NID2: variants seen among roughly 807,000 people sequenced by gnomAD.
NID2 encodes nidogen-2.
A neutral mutation model predicts 145.4 loss-of-function variants in NID2; 83 were observed. That is an observed-to-expected ratio of 0.57 (90% confidence interval 0.48 to 0.69). The LOEUF is 0.69. Ranked by LOEUF, NID2 falls within the 30% of genes least tolerant of loss-of-function variation. The probability of loss-of-function intolerance (pLI) is 0.00; values close to 1 mark genes in which losing one functional copy is unlikely to be tolerated. For synonymous variants in NID2, 739 were observed against 701.3 expected (o/e 1.05, Z -0.85); for missense variants, 1,807 against 1,765.7 (o/e 1.02, Z -0.42).
intron 9 of NID2, among the ~76,000 whole-genome samples, chr14:52,038,232 T>C (rs57847444): frequency 0.16 from 24,145 of 152,180 alleles, 2,591 homozygotes; most frequent in East Asian, 0.5. Flanking sequence ...CTGGGAATCA[T>C]GGAGGGGGAG....
At chr14:52,058,409 T>A (rs1892922402) in intron 3 of NID2, among the ~76,000 whole-genome samples, 1 of 152,246 alleles carries the variant, frequency 6.6e-6, no homozygotes, top group South Asian at 2.1e-4. Flanking sequence ...TACTTTATTA[T>A]TTGTATTAAG....
At position 52,068,826 on chromosome 14, in the gene NID2, CT is replaced by C. The variant is rs1893318591; in HGVS notation, c.168del (p.Ala57ProfsTer3). The C allele has an allele frequency of 1.9e-6, 3 of 1,611,846 alleles. No individual in the cohort carries two copies. The highest frequency in any genetic ancestry group is 1.7e-6 in the Non-Finnish European group (2 of 1,180,006). On this transcript the variant is annotated frameshift_variant, in exon 1 of 22. Transcript: ENST00000216286. LOFTEE classifies it high-confidence loss of function. ...AGGGGATTCGCCAGCTTCACCACGGCTGAGCTTTCGTCGTCGCCTTCCTGCA... is the reference window on the plus strand; with the variant it reads ...AGGGGATTCGCCAGCTTCACCACGGCGAGCTTTCGTCGTCGCCTTCCTGCA... ...QLLQEGDDESSAVVKLANPLH... is the reference protein window; with the variant it reads ...QLLQEGDDESXAVVKLANPLH...
intron 17 of NID2, 32 bp downstream of exon 17, chr14:52,011,522 T>C (rs1891020445): frequency 6.2e-7 from 1 of 1,612,684 alleles, no homozygotes; most frequent in Admixed American, 1.7e-5. Context: ...TAGAATCAAA[T>C]GAAATGCAGA....
chr14:52,066,444 T>C (rs111763654), intron 2 of NID2, among the ~76,000 whole-genome samples: 2 of 152,120 alleles, frequency 1.3e-5, no homozygotes, highest in Non-Finnish European at 2.9e-5. Flanking sequence ...TTTAAATAAC[T>C]AAGAGTGTAA....
intron 12 of NID2, among the ~76,000 whole-genome samples, chr14:52,021,625 A>G (rs1051093661): frequency 2.0e-5 from 3 of 152,210 alleles, no homozygotes; most frequent in Admixed American, 6.5e-5. Flanking sequence ...TAGTCAGCAT[A>G]TATCAGTTCC....
chr14:52,028,378 A>G (rs778390936), intron 11 of NID2, among the ~76,000 whole-genome samples: 3 of 151,672 alleles, frequency 2.0e-5, no homozygotes, highest in African/African-American at 4.9e-5. Context: ...GCGCTCAAGC[A>G]ATCCTCCTAT....
intron 2 of NID2, among the ~76,000 whole-genome samples, chr14:52,064,232 T>C (rs533686161): frequency 1.3e-5 from 2 of 152,318 alleles, no homozygotes; most frequent in East Asian, 1.9e-4. Flanking sequence ...GAGGCCTCCA[T>C]TGGGCAGTGT....
At chr14:52,053,982 G>C (rs376754268) in intron 4 of NID2, 38 bp downstream of exon 4, 1 of 1,610,018 alleles carries the variant, frequency 6.2e-7, no homozygotes, top group Non-Finnish European at 8.5e-7. Flanking sequence ...TTGGATGCAA[G>C]GGGGAGGACA....
chr14:52,047,303 G>A (rs1445276943), intron 5 of NID2, among the ~76,000 whole-genome samples: 1 of 152,146 alleles, frequency 6.6e-6, no homozygotes, highest in Non-Finnish European at 1.5e-5. Context: ...CATGGTCAGG[G>A]AAGACCTCAG....
intron 17 of NID2, 94 bp from the exon 18 acceptor site, chr14:52,011,141 A>G: frequency 7.9e-7 from 1 of 1,259,108 alleles, no homozygotes. Flanking sequence ...GGGGGTCAGC[A>G]GGGGAAAGCA....
chr14:52,054,163 T>A lies in NID2; in HGVS notation c.926A>T (p.Asp309Val), dbSNP rs1183033149. The change falls in exon 4 of 22, where the codon GAC becomes GTC. Residue 309 changes from aspartate (D) to valine (V), a missense_variant. By Grantham distance (152) the Asp-to-Val change is radical. Transcript: ENST00000216286. Reference protein sequence around the residue: ...SFSHATALESDYNEDNLDYYD... With the variant: ...SFSHATALESVYNEDNLDYYD... ...GTAATCCAAATTGTCCTCATTATAG[T>A]CACTTTCCAGGGCTGTAGCATGGCT... 9.9e-6 allele frequency: 16 copies of A among 1,614,150 alleles called. No homozygotes were observed. The highest frequency in any genetic ancestry group is 1.4e-5 in the Non-Finnish European group (16 of 1,180,026).
intron 5 of NID2, among the ~76,000 whole-genome samples, chr14:52,052,137 T>G (rs1892700632): frequency 6.6e-6 from 1 of 152,246 alleles, no homozygotes; most frequent in South Asian, 2.1e-4. Context: ...ATACTTGGCC[T>G]TAAAATGTAT....
rs767074714 is a variant in NID2 at position 52,011,581 on chromosome 14, C to T, written c.3523G>A (p.Ala1175Thr). 9 of 1,614,092 alleles carry T rather than the reference C, an allele frequency of 5.6e-6. No homozygotes were observed. The highest frequency in any genetic ancestry group is 5.0e-5 in the Admixed American group (3 of 60,004). ...TISRAGLELG[A>T]EPETIVNSGL... ...GAATTCACGATCGTCTCAGGCTCTG[C>T]TCCCAGTTCCAGACCAGCACGGCTG... The change falls in exon 17 of 22, where the codon GCA becomes ACA. Residue 1175 changes from alanine to threonine, a missense_variant. Transcript: ENST00000216286.
chr14:52,008,616 C>T (rs1207608999), intron 18 of NID2: 1 of 152,234 alleles, frequency 6.6e-6, no homozygotes, highest in Non-Finnish European at 1.5e-5. Context: ...GAAGTCATTA[C>T]TAAGTTACTA....
chr14:52,015,819 A>G (rs1472261930), intron 14 of NID2, among the ~76,000 whole-genome samples: 1 of 152,216 alleles, frequency 6.6e-6, no homozygotes, highest in African/African-American at 2.4e-5. Flanking sequence ...TATTACTGAA[A>G]GCCCAGCGCC....
rs1354033550 is a variant in NID2, at chr14:52,030,577, G to A, written c.2258-887C>T. On this transcript the variant is annotated intron_variant, in intron 9 of 21. Coordinates refer to ENST00000216286, the MANE Select transcript of NID2 (RefSeq NM_007361.4). ...GAAAGAAAGAAAGAAAGGAAGGAAG[G>A]GAAAGAAAGAAAGAAAGAAAGAAAG... Among the ~76,000 whole-genome samples, 201 of 92,932 alleles carry A rather than the reference G, an allele frequency of 2.2e-3. 6 individuals are homozygous for A. Among genetic ancestry groups the A allele is most frequent in the African/African-American group, 6.7e-3 (171 of 25,400 alleles). The allele number at this position is 92,932 out of a possible 152,430, so 61.0% of individuals were successfully genotyped here.
intron 11 of NID2, among the ~76,000 whole-genome samples, chr14:52,027,785 G>A (rs1248407193): frequency 6.7e-6 from 1 of 149,838 alleles, no homozygotes; most frequent in Non-Finnish European, 1.5e-5. Flanking sequence ...GTACAGTGGC[G>A]TGATCTCGGC....
At chr14:52,008,851 G>A (rs1273723355) in intron 18 of NID2, 2 of 152,164 alleles carry the variant, frequency 1.3e-5, no homozygotes, top group Admixed American at 1.3e-4. Flanking sequence ...AGGGGTACCT[G>A]GCACCCAGGG....
At chr14:52,010,828 C>T in intron 18 of NID2, 48 bp downstream of exon 18, 1 of 1,578,352 alleles carries the variant, frequency 6.3e-7, no homozygotes, top group Non-Finnish European at 8.7e-7. Flanking sequence ...CCAAGGGCTT[C>T]ACATCAGGAT....
Sources: gnomAD v4.1 joint callset for allele counts (sites outside exome capture counted in the v4.1 genomes callset) on GRCh38, gnomAD v4.1.1 for gene constraint, MANE v1.5 for transcripts, NCBI Gene and HGNC (gene_info 2026-07-23, HGNC 2026-07-21) for gene names.